Variants in ZFHX3 observed in about 807,000 individuals in gnomAD.
ZFHX3 encodes the protein zinc finger homeobox protein 3.
A neutral mutation model predicts 279.1 loss-of-function variants in ZFHX3; 42 were observed. The observed-to-expected ratio is 0.15, with a 90% CI of 0.12 to 0.19. The LOEUF is 0.19. ZFHX3 is among the 10% of genes least tolerant of loss of function. ZFHX3 has a pLI of 1.00. For synonymous variants in ZFHX3, 2,293 were observed against 1,957.8 expected (o/e 1.17, Z -4.52); for missense variants, 4,981 against 4,754.0 (o/e 1.05, Z -1.40).
chr16:73,136,180 T>C (rs763200413), intron 6 of ZFHX3, among the ~76,000 whole-genome samples: 7 of 152,194 alleles, frequency 4.6e-5, no homozygotes, highest in Admixed American at 6.5e-5. Context: ...CCACTTGAGT[T>C]TGCCACCTTG....
chr16:73,686,668 G>T (rs2053088103), intron 1 of ZFHX3, among the ~76,000 whole-genome samples: 1 of 152,004 alleles, frequency 6.6e-6, no homozygotes, highest in Admixed American at 6.6e-5. Flanking sequence ...CTCTGGTAAG[G>T]GTGGGCTCCA....
intron 1 of ZFHX3, among the ~76,000 whole-genome samples, chr16:73,023,600 C>T (rs770909976): frequency 5.9e-5 from 9 of 152,242 alleles, no homozygotes; most frequent in African/African-American, 1.9e-4. Flanking sequence ...AGGTCACACA[C>T]CTAGGAGCCG....
chr16:73,818,586 A>C (rs753551894), intron 1 of ZFHX3, among the ~76,000 whole-genome samples: 10 of 152,224 alleles, frequency 6.6e-5, no homozygotes, highest in Non-Finnish European at 1.2e-4. Context: ...AGCATTAAAT[A>C]AGCAGACACC....
intron 2 of ZFHX3, among the ~76,000 whole-genome samples, chr16:73,665,212 C>CTT (rs11410802): frequency 0.011 from 1,565 of 138,480 alleles, 30 homozygotes; most frequent in Middle Eastern, 0.043. Context: ...CATCATTGCA[C>CTT]TTTTTTTTTT....
intron 1 of ZFHX3, among the ~76,000 whole-genome samples, chr16:73,790,007 C>T (rs576171395): frequency 6.6e-6 from 1 of 152,196 alleles, no homozygotes; most frequent in African/African-American, 2.4e-5. Context: ...TCAGCGTTTC[C>T]ATTATAAACC....
intron 1 of ZFHX3, among the ~76,000 whole-genome samples, chr16:73,836,648 A>G (rs1204388802): frequency 6.6e-6 from 1 of 152,210 alleles, no homozygotes; most frequent in Non-Finnish European, 1.5e-5. Flanking sequence ...GTCACATCCA[A>G]GCATTCATGG....
chr16:73,032,035 A>T (rs1398536924), intron 1 of ZFHX3, among the ~76,000 whole-genome samples: 1 of 152,190 alleles, frequency 6.6e-6, no homozygotes, highest in Non-Finnish European at 1.5e-5. Context: ...GAAAATAAGA[A>T]GATGTGTTAA....
intron 5 of ZFHX3, among the ~76,000 whole-genome samples, chr16:72,819,757 G>A (rs2036731488): frequency 6.6e-6 from 1 of 152,194 alleles, no homozygotes. Flanking sequence ...TCATAGCCTA[G>A]ATGTTTTAAA....
chr16:73,178,682 C>A (rs146564421), intron 5 of ZFHX3, among the ~76,000 whole-genome samples: 1 of 152,276 alleles, frequency 6.6e-6, no homozygotes, highest in Non-Finnish European at 1.5e-5. Context: ...GAGACCAGGT[C>A]TCACTATGTT....
chr16:73,878,848 G>A (rs1266084063), intron 1 of ZFHX3, among the ~76,000 whole-genome samples: 1 of 151,422 alleles, frequency 6.6e-6, no homozygotes, highest in African/African-American at 2.4e-5. Flanking sequence ...GAAGTTCAAC[G>A]TCACTTGAAA....
intron 2 of ZFHX3, among the ~76,000 whole-genome samples, chr16:73,501,267 A>C (rs932275491): frequency 6.6e-6 from 1 of 152,230 alleles, no homozygotes; most frequent in African/African-American, 2.4e-5. Context: ...ATCTTCACAC[A>C]ATGACAAAAT....
intron 1 of ZFHX3, among the ~76,000 whole-genome samples, chr16:73,791,766 G>A (rs1959832607): frequency 6.6e-6 from 1 of 152,194 alleles, no homozygotes; most frequent in African/African-American, 2.4e-5. Context: ...CGCTAATGTT[G>A]CAGGTCTGGG....
At chr16:73,308,122 C>T (rs965968082) in intron 4 of ZFHX3, among the ~76,000 whole-genome samples, 1 of 151,020 alleles carries the variant, frequency 6.6e-6, no homozygotes, top group East Asian at 1.9e-4. Flanking sequence ...AAATACTTGT[C>T]GGAGAGATAA....
Position 72,787,034 on chromosome 16 carries a change from TTTTTC to T in ZFHX3, c.*125_*129del. 3.6e-6 allele frequency: 4 copies of T among 1,096,876 alleles called. No homozygotes were observed. The highest frequency in any genetic ancestry group is 4.7e-6 in the Non-Finnish European group (4 of 848,194). The allele number at this position is 1,096,876 out of a possible 1,614,324, so 67.9% of individuals were successfully genotyped here. A position where few individuals can be genotyped will look rare whatever the true frequency, so the allele number is the denominator to read the frequency against. ...GGAAAACAACCCACGCTTTTTCTTT[TTTTTC>T]TTTTTTTTTTTTTTTTTGTTTTTTG... On this transcript the variant is annotated 3_prime_UTR_variant, in exon 10 of 10. Coordinates refer to ENST00000268489, the MANE Select transcript of ZFHX3 (RefSeq NM_006885.4).
chr16:73,765,686 C>A (rs899981102), intron 1 of ZFHX3, among the ~76,000 whole-genome samples: 1 of 152,210 alleles, frequency 6.6e-6, no homozygotes, highest in African/African-American at 2.4e-5. Context: ...GAAAACACTG[C>A]CCAAATTCTT....
At chr16:73,080,580 T>TC (rs1433760421) in intron 8 of ZFHX3, among the ~76,000 whole-genome samples, 48 of 150,364 alleles carry the variant, frequency 3.2e-4, no homozygotes, top group Admixed American at 6.6e-4. Context: ...ACTTTTTCTT[T>TC]GTTTTTTTTT....
intron 1 of ZFHX3, among the ~76,000 whole-genome samples, chr16:72,969,517 AAGG>A (rs971681010): frequency 1.2e-4 from 19 of 152,154 alleles, no homozygotes; most frequent in African/African-American, 4.6e-4. Context: ...CCCCAGAGAA[AAGG>A]AGAACTCCAG....
intron 1 of ZFHX3, among the ~76,000 whole-genome samples, chr16:73,784,796 A>T (rs11642078): frequency 0.31 from 41,081 of 130,912 alleles, 7,044 homozygotes; most frequent in East Asian, 0.46. Context: ...TAAAAAAAAA[A>T]ATATATATAT....
intron 3 of ZFHX3, among the ~76,000 whole-genome samples, chr16:72,940,741 G>A (rs1960372515): frequency 6.6e-6 from 1 of 152,242 alleles, no homozygotes; most frequent in Non-Finnish European, 1.5e-5. Context: ...GACTGGCTAT[G>A]CTTTGGAGGC....
Sources: allele counts gnomAD v4.1 joint callset (sites outside exome capture counted in the v4.1 genomes callset), GRCh38; gene constraint gnomAD v4.1.1; transcripts MANE v1.5; gene names NCBI Gene and HGNC (gene_info 2026-07-23, HGNC 2026-07-21).